Variants in SLC17A8 observed in about 807,000 individuals in gnomAD.
SLC17A8 encodes vesicular glutamate transporter 3.
In SLC17A8, 31 loss-of-function variants were observed where a neutral mutation model predicts 58.0. The observed-to-expected ratio is 0.53, with a 90% CI of 0.40 to 0.72. The LOEUF (loss-of-function observed/expected upper bound fraction) is 0.72. SLC17A8 is among the 30% of genes least tolerant of loss of function. SLC17A8 has a pLI of 0.00. For missense variants in SLC17A8, 655 were observed against 727.8 expected, an observed-to-expected ratio of 0.90 and a Z score of 1.15; for synonymous variants, 228 against 249.0, an observed-to-expected ratio of 0.92 and a Z score of 0.79.
At chr12:100,419,746 C>T in intron 11 of SLC17A8, 69 bp from the exon 12 acceptor site, 1 of 1,479,330 alleles carries the variant, frequency 6.8e-7, no homozygotes, top group African/African-American at 1.4e-5. Flanking sequence ...ACAGTGGAGG[C>T]CTCCAGGACA....
chr12:100,383,309 CT>C (rs1484760186), intron 2 of SLC17A8, among the ~76,000 whole-genome samples: 1 of 152,196 alleles, frequency 6.6e-6, no homozygotes, highest in African/African-American at 2.4e-5. Flanking sequence ...CGGCTGTGCC[CT>C]CTGGAGTCTT....
chr12:100,417,637 G>A (rs113013656), intron 10 of SLC17A8, among the ~76,000 whole-genome samples: 65 of 152,316 alleles, frequency 4.3e-4, no homozygotes, highest in African/African-American at 1.5e-3. Flanking sequence ...GTCAGGGGTA[G>A]GAGTGGGAAT....
chr12:100,365,180 C>T (rs749815661), intron 1 of SLC17A8, among the ~76,000 whole-genome samples: 51 of 152,188 alleles, frequency 3.4e-4, no homozygotes, highest in Admixed American at 8.5e-4. Context: ...CCTGATGGGT[C>T]GTTTTGGCTG....
intron 11 of SLC17A8, 53 bp downstream of exon 11, chr12:100,418,209 A>G: frequency 6.2e-7 from 1 of 1,611,792 alleles, no homozygotes; most frequent in Non-Finnish European, 8.5e-7. Flanking sequence ...CTGGAGCTCT[A>G]CACAAACTTG....
chr12:100,394,827 GTA>G (rs956962867), intron 4 of SLC17A8, among the ~76,000 whole-genome samples: 13 of 146,402 alleles, frequency 8.9e-5, no homozygotes, highest in African/African-American at 2.2e-4. Context: ...TACATATATA[GTA>G]TATATATAAT....
intron 5 of SLC17A8, among the ~76,000 whole-genome samples, chr12:100,398,997 T>A (rs935694883): frequency 2.6e-5 from 4 of 152,336 alleles, no homozygotes; most frequent in Admixed American, 2.0e-4. Flanking sequence ...GTGAGTCCAA[T>A]TAAACCTCTT....
At position 100,415,428 on chromosome 12, in the gene SLC17A8, T is replaced by A. The variant is rs547429040; in HGVS notation, c.1297+2548T>A. Among the ~76,000 whole-genome samples, 8 of 118,510 alleles carry A rather than the reference T, an allele frequency of 6.8e-5. No homozygotes were observed. In the Admixed American group the frequency reaches 7.1e-4, roughly 10 times the overall value. 77.7% of individuals were successfully genotyped at this position (118,510 alleles called of 152,430 possible). A position where few individuals can be genotyped will look rare whatever the true frequency, so the allele number is the denominator to read the frequency against. On this transcript the variant is annotated intron_variant, in intron 10 of 11. Transcript: ENST00000323346. ...CAGCCTGGGTGACAAAGAGAGATTC[T>A]GTCTCAAAAAAAAAAAAAAAAATAG...
intron 10 of SLC17A8, among the ~76,000 whole-genome samples, chr12:100,413,423 G>T (rs187512267): frequency 1.1e-4 from 16 of 152,286 alleles, no homozygotes; most frequent in African/African-American, 3.6e-4. Flanking sequence ...TGACAATGAT[G>T]ATGTGAGCTA....
chr12:100,407,102 C>T (rs1257100533), intron 9 of SLC17A8, among the ~76,000 whole-genome samples: 4 of 152,216 alleles, frequency 2.6e-5, no homozygotes, highest in African/African-American at 4.8e-5. Flanking sequence ...GTGCGGTGTT[C>T]AACCTATAAA....
intron 2 of SLC17A8, among the ~76,000 whole-genome samples, chr12:100,386,753 A>G (rs1014092524): frequency 2.0e-5 from 3 of 150,426 alleles, no homozygotes; most frequent in African/African-American, 7.4e-5. Flanking sequence ...CAGTGGCACA[A>G]TCTTGGCTCA....
chr12:100,396,005 A>G (rs1952751038), intron 4 of SLC17A8, among the ~76,000 whole-genome samples: 1 of 152,234 alleles, frequency 6.6e-6, no homozygotes, highest in African/African-American at 2.4e-5. Context: ...TTCCTGGTTC[A>G]TAAACAACTA....
intron 5 of SLC17A8, among the ~76,000 whole-genome samples, chr12:100,399,808 T>C (rs1263270096): frequency 6.6e-6 from 1 of 152,136 alleles, no homozygotes; most frequent in Non-Finnish European, 1.5e-5. Context: ...GTTTCCCCAA[T>C]GATAGAATGC....
chr12:100,375,074 C>A (rs1053695987), intron 1 of SLC17A8, among the ~76,000 whole-genome samples: 3 of 151,132 alleles, frequency 2.0e-5, no homozygotes, highest in African/African-American at 7.3e-5. Context: ...ACTGTGCACA[C>A]AGAGGGTGCT....
rs533223592 is a variant in SLC17A8, at chr12:100,403,952, C to A, written c.1054-86C>A. ...AATTTGGTGGTGGTAGGTAGGGGGG[C>A]TGTGGAGTGGAGGTGGGCAAGGGAA... On this transcript the variant is annotated intron_variant, in intron 8 of 11. Transcript: ENST00000323346. 16 of 1,488,068 alleles carry A rather than the reference C, an allele frequency of 1.1e-5. No individual in the cohort carries two copies. In the African/African-American group the frequency reaches 1.1e-4, roughly 10 times the overall value. 92.2% of individuals were successfully genotyped at this position (1,488,068 alleles called of 1,614,324 possible). A position where few individuals can be genotyped will look rare whatever the true frequency, so the allele number is the denominator to read the frequency against.
intron 9 of SLC17A8, among the ~76,000 whole-genome samples, chr12:100,410,035 C>A (rs1026360970): frequency 6.6e-6 from 1 of 152,160 alleles, no homozygotes; most frequent in Admixed American, 6.5e-5. Flanking sequence ...GAGAATGCAT[C>A]AGAGGAGGAC....
chr12:100,377,629 T>G (rs961101188), intron 1 of SLC17A8, among the ~76,000 whole-genome samples: 4 of 140,994 alleles, frequency 2.8e-5, no homozygotes, highest in Non-Finnish European at 4.5e-5. Context: ...CTCACTGTCA[T>G]GAAGACTGGA....
chr12:100,359,671 T>C (rs1184792930), intron 1 of SLC17A8, among the ~76,000 whole-genome samples: 1 of 152,198 alleles, frequency 6.6e-6, no homozygotes, highest in Non-Finnish European at 1.5e-5. Flanking sequence ...AGACATTGCT[T>C]GAGCGGTGAT....
chr12:100,390,798 A>G (rs1010282472), intron 2 of SLC17A8, among the ~76,000 whole-genome samples: 3 of 152,050 alleles, frequency 2.0e-5, no homozygotes, highest in Admixed American at 2.0e-4. Context: ...AATAACTGGG[A>G]CTACAGGCAC....
Position 100,404,109 on chromosome 12 carries a change from T to C in SLC17A8, c.1125T>C (p.Asp375=), listed in dbSNP as rs776750607. Residue 375 remains aspartate, a synonymous_variant, in exon 9 of 12, where the codon GAT becomes GAC. Transcript: ENST00000323346. Reference sequence around the variant, plus strand: ...TACCTATTGGAGGACAATTGGCTGATTATTTAAGAAGCAGACAAATTTTAA... The same window carrying C: ...TACCTATTGGAGGACAATTGGCTGACTATTTAAGAAGCAGACAAATTTTAA... The part of the protein sequence containing the change: ...IVVPIGGQLA[D]YLRSRQILTT... The C allele has an allele frequency of 1.2e-6, 2 of 1,614,190 alleles. No individual in the cohort carries two copies. The highest frequency in any genetic ancestry group is 2.2e-5 in the East Asian group (1 of 44,884).
Sources: allele counts gnomAD v4.1 joint callset (sites outside exome capture counted in the v4.1 genomes callset), GRCh38; gene constraint gnomAD v4.1.1; transcripts MANE v1.5; gene names NCBI Gene and HGNC (gene_info 2026-07-23, HGNC 2026-07-21).